The following SIPA1L3 variants were observed in gnomAD, a reference collection of about 807,000 sequenced individuals.
SIPA1L3 encodes signal-induced proliferation-associated 1-like protein 3.
A neutral mutation model predicts 150.1 loss-of-function variants in SIPA1L3; 59 were observed. That is an observed-to-expected ratio of 0.39 (90% CI 0.32 to 0.49). The LOEUF (loss-of-function observed/expected upper bound fraction) is 0.49, where lower values mean the gene tolerates loss of function less well. Ranked by LOEUF, SIPA1L3 falls within the 20% of genes least tolerant of loss-of-function variation. The pLI, the probability that SIPA1L3 is intolerant of heterozygous loss-of-function variation, is 0.86. For missense variants in SIPA1L3, 2,211 were observed against 2,489.5 expected (o/e 0.89, Z 2.38); for synonymous variants, 1,070 against 1,077.6 (o/e 0.99, Z 0.14).
At chr19:38,145,534 C>CAAAAAAAAAAAAAAAAAAAAAAAAAAAA (rs35073920) in intron 12 of SIPA1L3, among the ~76,000 whole-genome samples, 1 of 94,300 alleles carries the variant, frequency 1.1e-5, no homozygotes, top group Non-Finnish European at 2.1e-5. Flanking sequence ...AACTCCGTCT[C>CAAAAAAAAAAAAAAAAAAAAAAAAAAAA]AAAAAAAAAA....
At chr19:38,110,897 G>A (rs1970722188) in intron 8 of SIPA1L3, among the ~76,000 whole-genome samples, 1 of 152,142 alleles carries the variant, frequency 6.6e-6, no homozygotes, top group East Asian at 1.9e-4. Context: ...GCCAGGCCTG[G>A]GCACTGGGCT....
intron 1 of SIPA1L3, among the ~76,000 whole-genome samples, chr19:37,960,265 A>G (rs1872743754): frequency 1.3e-5 from 2 of 152,072 alleles, no homozygotes; most frequent in African/African-American, 4.8e-5. Context: ...TGATTGATTG[A>G]TTTTGGTGCA....
chr19:38,188,920 CAAA>C (rs57796150), intron 16 of SIPA1L3, among the ~76,000 whole-genome samples: 4 of 128,322 alleles, frequency 3.1e-5, no homozygotes. Context: ...GACTCCGTCT[CAAA>C]AAAAAAAAAA....
chr19:37,962,611 G>C (rs906746818), intron 1 of SIPA1L3, among the ~76,000 whole-genome samples: 2 of 151,930 alleles, frequency 1.3e-5, no homozygotes, highest in East Asian at 1.9e-4. Context: ...TGGGACTATA[G>C]GCATGCAACA....
chr19:38,087,486 G>C (rs926144160), intron 3 of SIPA1L3, among the ~76,000 whole-genome samples: 1 of 152,194 alleles, frequency 6.6e-6, no homozygotes, highest in Non-Finnish European at 1.5e-5. Context: ...CAGTGTACCA[G>C]TACAATTTCC....
At chr19:38,049,234 A>G (rs879733302) in intron 2 of SIPA1L3, among the ~76,000 whole-genome samples, 10 of 151,990 alleles carry the variant, frequency 6.6e-5, no homozygotes, top group Non-Finnish European at 1.2e-4. Context: ...AGGTCCTTTC[A>G]TTCCTTCCCC....
At chr19:38,116,771 C>T (rs1286784082) in intron 8 of SIPA1L3, among the ~76,000 whole-genome samples, 1 of 151,990 alleles carries the variant, frequency 6.6e-6, no homozygotes, top group African/African-American at 2.4e-5. Context: ...GGAGAATTGA[C>T]TGAACCCGGG....
chr19:37,999,276 C>T (rs1029715549), intron 1 of SIPA1L3, among the ~76,000 whole-genome samples: 2 of 152,212 alleles, frequency 1.3e-5, no homozygotes, highest in African/African-American at 2.4e-5. Flanking sequence ...CTCCTGGGAT[C>T]CCTTTCACTG....
chr19:38,000,657 A>G (rs1023608080), intron 1 of SIPA1L3, among the ~76,000 whole-genome samples: 1 of 120,068 alleles, frequency 8.3e-6, no homozygotes, highest in African/African-American at 3.2e-5. Flanking sequence ...ATCTCCTAGG[A>G]AAGCAGGGGC....
Position 38,198,434 on chromosome 19 carries a change from G to C in SIPA1L3, c.4886G>C (p.Arg1629Pro). 6.3e-7 allele frequency: 1 copy of C among 1,596,322 alleles called. No homozygotes were observed. Among genetic ancestry groups the C allele is most frequent in the Non-Finnish European group, 8.5e-7 (1 of 1,172,542 alleles). The change falls in exon 19 of 22, where the codon CGC (arginine) becomes CCC (proline). Residue 1629 changes from arginine (R) to proline (P), a missense_variant. Arg to Pro is a moderately radical substitution (Grantham distance 103). Around this residue, in one of 5 missense-constraint regions of SIPA1L3, gnomAD observed 806 missense variants for 870.1 expected, o/e 0.93. Coordinates refer to ENST00000222345, the MANE Select transcript of SIPA1L3 (RefSeq NM_015073.3). ...SELSLADGRD[R>P]PLRRLDPGLM... ...CTCTCGCTGGCTGATGGGCGGGACC[G>C]CCCCCTGCGGCGCCTGGACCCTGGG...
At chr19:38,128,785 T>C (rs1971238134) in intron 9 of SIPA1L3, among the ~76,000 whole-genome samples, 1 of 151,976 alleles carries the variant, frequency 6.6e-6, no homozygotes, top group African/African-American at 2.4e-5. Flanking sequence ...TAATCCCACC[T>C]ACTCGGGAGG....
At chr19:38,169,962 G>C (rs907855205) in intron 15 of SIPA1L3, among the ~76,000 whole-genome samples, 1 of 151,558 alleles carries the variant, frequency 6.6e-6, no homozygotes, top group Non-Finnish European at 1.5e-5. Context: ...TGAGATGAGG[G>C]GCCCAGGTAG....
chr19:38,086,576 T>G (rs1970137424), intron 3 of SIPA1L3, among the ~76,000 whole-genome samples: 1 of 152,100 alleles, frequency 6.6e-6, no homozygotes, highest in South Asian at 2.1e-4. Context: ...CCAACTGTTG[T>G]GGAGGCTGAG....
intron 1 of SIPA1L3, among the ~76,000 whole-genome samples, chr19:38,026,626 C>T (rs977852027): frequency 6.6e-6 from 1 of 152,274 alleles, no homozygotes; most frequent in South Asian, 2.1e-4. Context: ...CTGAATCTGC[C>T]CCCACACTCC....
At chr19:38,032,420 A>G (rs1295928511) in intron 2 of SIPA1L3, among the ~76,000 whole-genome samples, 1 of 152,218 alleles carries the variant, frequency 6.6e-6, no homozygotes, top group Non-Finnish European at 1.5e-5. Context: ...TCCTTCACTC[A>G]GCAAATATGC....
At chr19:38,120,862 T>G (rs980481367) in intron 9 of SIPA1L3, among the ~76,000 whole-genome samples, 1 of 152,238 alleles carries the variant, frequency 6.6e-6, no homozygotes, top group Non-Finnish European at 1.5e-5. Context: ...GCAGTGGGTT[T>G]GGCAGAACGC....
intron 3 of SIPA1L3, among the ~76,000 whole-genome samples, chr19:38,086,070 C>T (rs1016393432): frequency 6.6e-6 from 1 of 151,646 alleles, no homozygotes; most frequent in African/African-American, 2.4e-5. Flanking sequence ...GGGAGAAGTG[C>T]ACAGATTATC....
chr19:38,014,427 C>T (rs1327783711), intron 1 of SIPA1L3, among the ~76,000 whole-genome samples: 2 of 151,940 alleles, frequency 1.3e-5, no homozygotes, highest in Non-Finnish European at 2.9e-5. Context: ...CATCAGATCT[C>T]GGGCTGTGTT....
chr19:38,010,077 C>T (rs1162257520), intron 1 of SIPA1L3, among the ~76,000 whole-genome samples: 1 of 152,122 alleles, frequency 6.6e-6, no homozygotes, highest in Non-Finnish European at 1.5e-5. Flanking sequence ...CCCTGCTCAG[C>T]CCTCTCCCTC....
Sources: gnomAD v4.1 joint callset for allele counts (sites outside exome capture counted in the v4.1 genomes callset) on GRCh38, gnomAD v4.1.1 for gene constraint, gnomAD v4.1.1 regional missense constraint, MANE v1.5 for transcripts, NCBI Gene and HGNC (gene_info 2026-07-23, HGNC 2026-07-21) for gene names.